Variants in NCKAP5 observed in about 807,000 individuals in gnomAD.
NCKAP5 encodes the protein NCK associated protein 5, also known as nck-associated protein 5.
In NCKAP5, 92 loss-of-function variants were observed where a neutral mutation model predicts 167.0. The ratio of observed to expected loss-of-function variants is 0.55; its 90% CI spans 0.47 to 0.66. The LOEUF (loss-of-function observed/expected upper bound fraction) is 0.66, where lower values mean the gene tolerates loss of function less well. NCKAP5 is among the 30% of genes least tolerant of loss of function. NCKAP5 has a pLI of 0.00. For synonymous variants in NCKAP5, 891 were observed against 877.4 expected (o/e 1.02, Z -0.27); for missense variants, 2,378 against 2,315.0 (o/e 1.03, Z -0.56).
chr2:133,000,579 C>T (rs1239737529), intron 6 of NCKAP5, among the ~76,000 whole-genome samples: 1 of 152,160 alleles, frequency 6.6e-6, no homozygotes, highest in Non-Finnish European at 1.5e-5. Flanking sequence ...TCAAGACAAA[C>T]AAAATTCATT....
At position 132,912,082 on chromosome 2, in the gene NCKAP5, A is replaced by T. The variant is rs1694499130; in HGVS notation, c.580-33166T>A. Among the ~76,000 whole-genome samples, 5 of 152,040 alleles carry T rather than the reference A, an allele frequency of 3.3e-5. No individual in the cohort carries two copies. The South Asian group carries it at 1.0e-3, about 31-fold the overall frequency. ...GTACTCATAGTTTTCTACTCAGCAG[A>T]GGACTAGCTCTCAAACTCTTCTGTG... is the stretch of plus-strand genomic sequence containing the variant. On this transcript the variant is annotated intron_variant, in intron 8 of 19. Coordinates refer to ENST00000409261, the MANE Select transcript of NCKAP5 (RefSeq NM_207363.3).
At chr2:133,668,625 T>A in the NCKAP5 span, among the ~76,000 whole-genome samples, 165 of 152,218 alleles carry the variant, frequency 1.1e-3, 3 homozygotes, top group African/African-American at 3.8e-3. Flanking sequence ...TTGTTTTTTT[T>A]AACTGGTTTA....
At chr2:132,685,603 T>C (rs1413577171) in intron 19 of NCKAP5, among the ~76,000 whole-genome samples, 1 of 152,186 alleles carries the variant, frequency 6.6e-6, no homozygotes. Context: ...AACATGGTTC[T>C]GCTTTACTAG....
intron 8 of NCKAP5, among the ~76,000 whole-genome samples, chr2:132,960,550 G>A (rs530458037): frequency 6.6e-6 from 1 of 152,266 alleles, no homozygotes; most frequent in East Asian, 1.9e-4. Flanking sequence ...ATCAAGTAAA[G>A]GGGGCTCTGT....
chr2:132,969,240 G>A (rs998635697), intron 7 of NCKAP5, among the ~76,000 whole-genome samples: 6 of 152,028 alleles, frequency 3.9e-5, no homozygotes, highest in Non-Finnish European at 7.4e-5. Context: ...GTTTCATTAT[G>A]TTAGCCAGGC....
chr2:133,588,190 C>G, the NCKAP5 span, among the ~76,000 whole-genome samples: 1 of 152,024 alleles, frequency 6.6e-6, no homozygotes, highest in South Asian at 2.1e-4. Context: ...TTTGGAAATA[C>G]TATTCTAATG....
intron 16 of NCKAP5, among the ~76,000 whole-genome samples, chr2:132,771,779 TCTC>T (rs1682079508): frequency 6.6e-6 from 1 of 151,076 alleles, no homozygotes; most frequent in South Asian, 2.1e-4. Flanking sequence ...TTCACACCGT[TCTC>T]CTGCCTCAGC....
intron 4 of NCKAP5, among the ~76,000 whole-genome samples, chr2:133,264,462 T>C (rs1465058024): frequency 6.6e-6 from 1 of 152,196 alleles, no homozygotes; most frequent in Non-Finnish European, 1.5e-5. Flanking sequence ...GGCTTTAAAA[T>C]GCTGAAACCC....
chr2:133,198,955 T>A (rs2085555742), intron 5 of NCKAP5, among the ~76,000 whole-genome samples: 1 of 152,112 alleles, frequency 6.6e-6, no homozygotes, highest in South Asian at 2.1e-4. Context: ...GATATTGAGT[T>A]GTGCATGTAG....
chr2:132,795,303 T>G (rs1266041403), intron 12 of NCKAP5, among the ~76,000 whole-genome samples: 1 of 152,182 alleles, frequency 6.6e-6, no homozygotes, highest in East Asian at 1.9e-4. Flanking sequence ...GTAATAATGA[T>G]TATTCTTAAA....
chr2:133,199,258 A>G (rs2085569507), intron 5 of NCKAP5, among the ~76,000 whole-genome samples: 1 of 152,066 alleles, frequency 6.6e-6, no homozygotes, highest in African/African-American at 2.4e-5. Flanking sequence ...TTTTAATACT[A>G]GACTGCTTCT....
chr2:133,563,811 C>T (rs911215636), intron 1 of NCKAP5, among the ~76,000 whole-genome samples: 16 of 152,030 alleles, frequency 1.1e-4, no homozygotes, highest in South Asian at 2.1e-4. Context: ...CCTCCATATC[C>T]AGAAAGCGGT....
intron 11 of NCKAP5, among the ~76,000 whole-genome samples, chr2:132,824,708 A>G (rs1687002088): frequency 1.3e-5 from 2 of 152,100 alleles, no homozygotes. Flanking sequence ...TGGCTAATGA[A>G]TTGTGGATGG....
At chr2:133,586,332 C>T in the NCKAP5 span, among the ~76,000 whole-genome samples, 6 of 152,066 alleles carry the variant, frequency 3.9e-5, no homozygotes, top group African/African-American at 1.2e-4. Flanking sequence ...CTTCTGCTTC[C>T]GATTCCTGGC....
In NCKAP5 at chr2:132,734,270, T is replaced by G. The variant is rs940235447; in HGVS notation, c.5129-2219A>C. On this transcript the variant is annotated intron_variant, in intron 16 of 19. Coordinates refer to ENST00000409261, the MANE Select transcript of NCKAP5 (RefSeq NM_207363.3). ...GCCAGATGAGTCAAAGAAAGGACAC[T>G]GCTATTCAGACTTCTGTGTCTTTTC... is the stretch of plus-strand genomic sequence containing the variant. Among the ~76,000 whole-genome samples, 6 of 152,356 alleles carry G rather than the reference T, an allele frequency of 3.9e-5. No individual in the cohort carries two copies. The South Asian group carries it at 1.2e-3, about 32-fold the overall frequency.
At chr2:133,246,659 G>A (rs975126542) in intron 4 of NCKAP5, among the ~76,000 whole-genome samples, 17 of 152,152 alleles carry the variant, frequency 1.1e-4, no homozygotes, top group African/African-American at 3.4e-4. Context: ...ATGTGTGTGT[G>A]TATATATTTG....
chr2:133,012,805 GC>G (rs988164846), intron 6 of NCKAP5, among the ~76,000 whole-genome samples: 11 of 151,856 alleles, frequency 7.2e-5, no homozygotes, highest in Non-Finnish European at 1.5e-4. Flanking sequence ...ATCATTTACT[GC>G]CCCCTTTCCT....
chr2:132,860,665 C>T (rs940362359), intron 10 of NCKAP5, 54 bp from the exon 11 acceptor site: 1 of 1,530,058 alleles, frequency 6.5e-7, no homozygotes, highest in South Asian at 1.2e-5. Context: ...GATGTCTTTG[C>T]ATATTATAAC....
chr2:133,304,324 G>A (rs1308449869), intron 3 of NCKAP5, among the ~76,000 whole-genome samples: 1 of 152,242 alleles, frequency 6.6e-6, no homozygotes, highest in African/African-American at 2.4e-5. Context: ...TTCCCAAAAT[G>A]TTTGTTAGAC....
Sources: allele counts gnomAD v4.1 joint callset (sites outside exome capture counted in the v4.1 genomes callset), GRCh38; gene constraint gnomAD v4.1.1; transcripts MANE v1.5; gene names NCBI Gene and HGNC (gene_info 2026-07-23, HGNC 2026-07-21).